Variants in ITGA5 observed in about 807,000 individuals in gnomAD.
ITGA5 encodes integrin subunit alpha 5.
Under a neutral mutation model 146.3 loss-of-function variants are expected in ITGA5, and 55 were observed. That is an observed-to-expected ratio of 0.38 (90% CI 0.30 to 0.47). The LOEUF (loss-of-function observed/expected upper bound fraction) is 0.47. Ranked by LOEUF, ITGA5 falls within the 20% of genes least tolerant of loss-of-function variation. The pLI is 0.99. For synonymous variants in ITGA5, 500 were observed against 531.8 expected, an observed-to-expected ratio of 0.94 and a Z score of 0.82; for missense variants, 1,131 against 1,329.0, an observed-to-expected ratio of 0.85 and a Z score of 2.32.
chr12:54,412,089 G>A lies in ITGA5; in HGVS notation c.219-125C>T, dbSNP rs113382910. 7.3e-6 allele frequency: 5 copies of A among 685,918 alleles called. 1 individual carries two copies. The African/African-American group carries it at 7.4e-5, about 10-fold the overall frequency. The allele number at this position is 685,918 out of a possible 1,614,324, so 42.5% of individuals were successfully genotyped here. A position where few individuals can be genotyped will look rare whatever the true frequency, so the allele number is the denominator to read the frequency against. ...GGGTGGAGTAGATGCCCCCTGCGTT[G>A]TATTTATATCTCAGAAGATGCCACA... is the stretch of plus-strand genomic sequence containing the variant. On this transcript the variant is annotated intron_variant, in intron 1 of 29. Transcript: ENST00000293379.
intron 1 of ITGA5, among the ~76,000 whole-genome samples, chr12:54,417,574 C>T (rs1956022697): frequency 6.6e-6 from 1 of 152,044 alleles, no homozygotes; most frequent in Non-Finnish European, 1.5e-5. Context: ...GTCCTCCAGA[C>T]AAAGGAGAAT....
Position 54,404,658 on chromosome 12 carries a change from G to T in ITGA5, c.1417+45C>A. ...TGCAGAAGAGAGAGTAGGGGTCAGT[G>T]ACCAGGGAATTTTAAGGTGAAAAGG... On this transcript the variant is annotated intron_variant, in intron 13 of 29. Coordinates refer to ENST00000293379, the MANE Select transcript of ITGA5 (RefSeq NM_002205.5). The T allele has an allele frequency of 1.9e-6, 3 of 1,562,512 alleles. No homozygotes were observed. In the South Asian group the frequency reaches 3.3e-5, roughly 17 times the overall value.
In ITGA5 at chr12:54,419,147, C is replaced by T; in HGVS notation, c.52G>A (p.Gly18Ser). ...AGCAGCGGGGGTCGGCGCCGGGGGC[C>T]CCAGCGCAGCTGCACGGCGTGGAGA... ...SPLHAVQLRWGPRRRPPLLPL... is the reference protein window; with the variant it reads ...SPLHAVQLRWSPRRRPPLLPL... Residue 18 changes from glycine (G) to serine (S), a missense_variant, in exon 1 of 30, where the codon GGC becomes AGC. Transcript: ENST00000293379. The T allele has an allele frequency of 6.3e-7, 1 of 1,587,052 alleles. No individual in the cohort carries two copies. The highest frequency in any genetic ancestry group is 8.6e-7 in the Non-Finnish European group (1 of 1,169,118).
Position 54,419,254 on chromosome 12 carries a change from C to T in ITGA5, c.-56G>A. On this transcript the variant is annotated 5_prime_UTR_variant, in exon 1 of 30. Transcript: ENST00000293379. ...CGACCCGGAGCCGCTTCCTAAACCTCCCAGAGGCGAATGACTCAACGCGGG... is the reference window on the plus strand; with the variant it reads ...CGACCCGGAGCCGCTTCCTAAACCTTCCAGAGGCGAATGACTCAACGCGGG... The T allele has an allele frequency of 1.3e-6, 2 of 1,531,438 alleles. No individual in the cohort carries two copies. Among genetic ancestry groups the T allele is most frequent in the Non-Finnish European group, 1.8e-6 (2 of 1,134,862 alleles). The allele number at this position is 1,531,438 out of a possible 1,614,324, so 94.9% of individuals were successfully genotyped here.
At position 54,401,484 on chromosome 12, in the gene ITGA5, G is replaced by A; in HGVS notation, c.2388-6C>T. ...CTGCCTCAGGCTTGGAGACACTAAG[G>A]AGGAGGGTGGTTTAGAGGAGGGTGG... is the stretch of plus-strand genomic sequence containing the variant. On this transcript the variant is annotated splice_region_variant and splice_polypyrimidine_tract_variant and intron_variant, in intron 23 of 29. Transcript: ENST00000293379. This position sits in a 1 kb window ranked among gnomAD's most constrained non-coding sequence, Gnocchi z 5.0. 2 of 1,589,390 alleles carry A rather than the reference G, an allele frequency of 1.3e-6. No homozygotes were observed. The highest frequency in any genetic ancestry group is 1.7e-6 in the Non-Finnish European group (2 of 1,167,998).
Position 54,400,882 on chromosome 12 carries a change from G to A in ITGA5, c.2607C>T (p.Cys869=), listed in dbSNP as rs751166079. ...LYVTRVTGLN[C]TTNHPINPKG... is the part of the protein sequence containing the mutation. ...TTGGGTTAATGGGGTGATTGGTGGTGCAGTTGAGTCCCGTAACTCTGGTCA... is the reference window on the plus strand; with the variant it reads ...TTGGGTTAATGGGGTGATTGGTGGTACAGTTGAGTCCCGTAACTCTGGTCA... The change falls in exon 25 of 30, where the codon TGC becomes TGT. Residue 869 remains cysteine (C), a synonymous_variant. Transcript: ENST00000293379. 9.7e-5 allele frequency: 156 copies of A among 1,613,982 alleles called. No individual in the cohort carries two copies. Among genetic ancestry groups the A allele is most frequent in the Non-Finnish European group, 1.3e-4 (152 of 1,180,002 alleles).
intron 29 of ITGA5, 151 bp downstream of exon 29, chr12:54,397,214 A>AG (rs1436400664): frequency 1.5e-6 from 1 of 689,338 alleles, no homozygotes; most frequent in Non-Finnish European, 2.4e-6. Flanking sequence ...GGGATCTTAT[A>AG]GGAAGGGTTA....
intron 8 of ITGA5, 60 bp downstream of exon 8, chr12:54,407,772 C>T (rs1955884620): frequency 1.2e-6 from 2 of 1,605,432 alleles, no homozygotes; most frequent in Non-Finnish European, 1.7e-6. Context: ...TTCATGGGCT[C>T]TCTGGCCCTG....
chr12:54,401,261 C>T lies in ITGA5; in HGVS notation c.2493+112G>A. On this transcript the variant is annotated intron_variant, in intron 24 of 29. Transcript: ENST00000293379. This position sits in a 1 kb window ranked among gnomAD's most constrained non-coding sequence, Gnocchi z 5.0. ...GCCTCATGCCTTTGCATATCACTTA[C>T]TCCTCCCTCCTCTCTTTCTCTCAGT... The T allele has an allele frequency of 5.7e-6, 5 of 878,886 alleles. No individual in the cohort carries two copies. The South Asian group carries it at 7.2e-5, about 13-fold the overall frequency. 54.4% of individuals were successfully genotyped at this position (878,886 alleles called of 1,614,324 possible).
chr12:54,409,200 G>T lies in ITGA5; in HGVS notation c.583+32C>A, dbSNP rs1955908290. 2 of 1,591,732 alleles carry T rather than the reference G, an allele frequency of 1.3e-6. No individual in the cohort carries two copies. The highest frequency in any genetic ancestry group is 1.7e-6 in the Non-Finnish European group (2 of 1,171,178). On this transcript the variant is annotated intron_variant, in intron 4 of 29. Transcript: ENST00000293379. This position sits in a 1 kb window ranked among gnomAD's most constrained non-coding sequence, Gnocchi z 4.7. ...GACACTTCAAGTATATGAGAAGGCAGACATGGGGCACAGGCCCCCTCTTGC... is the reference window on the plus strand; with the variant it reads ...GACACTTCAAGTATATGAGAAGGCATACATGGGGCACAGGCCCCCTCTTGC...
chr12:54,404,120 T>C lies in ITGA5; in HGVS notation c.1565+25A>G, dbSNP rs375680089. On this transcript the variant is annotated intron_variant, in intron 15 of 29. Transcript: ENST00000293379. ...CTGCCCACTCCCAGGCTCAGGTCTC[T>C]GCAATTTCCTGGGCACCAGCTCACC... The C allele has an allele frequency of 1.1e-5, 18 of 1,571,554 alleles. No homozygotes were observed. The African/African-American group carries it at 2.2e-4, about 19-fold the overall frequency.
intron 9 of ITGA5, 71 bp from the exon 10 acceptor site, chr12:54,405,997 T>C: frequency 7.4e-7 from 1 of 1,356,688 alleles, no homozygotes; most frequent in Non-Finnish European, 1.1e-6. Flanking sequence ...AACAGATGTG[T>C]ACAGGACACC....
rs1181878877 is a variant in ITGA5, at chr12:54,416,215, G to A, written c.218+2766C>T. Among the ~76,000 whole-genome samples, 4 of 152,156 alleles carry A rather than the reference G, an allele frequency of 2.6e-5. No individual in the cohort carries two copies. Among genetic ancestry groups the A allele is most frequent in the Non-Finnish European group, 4.4e-5 (3 of 68,024 alleles). ...TTCCCGAGTAGCTGGGATTACAGGT[G>A]CGTGCCAGCACGCTCGGCTAATTTT... On this transcript the variant is annotated intron_variant, in intron 1 of 29. Transcript: ENST00000293379. The surrounding 1 kb of genome is among the most constrained non-coding windows in gnomAD (Gnocchi z 4.1).
Position 54,404,844 on chromosome 12 carries a change from A to G in ITGA5, c.1276T>C (p.Phe426Leu), listed in dbSNP as rs571620637. 2 of 1,610,290 alleles carry G rather than the reference A, an allele frequency of 1.2e-6. No individual in the cohort carries two copies. The highest frequency in any genetic ancestry group is 2.2e-5 in the South Asian group (2 of 90,656). Residue 426 changes from phenylalanine (F) to leucine (L), a missense_variant, in exon 13 of 30, where the codon TTT becomes CTT. Coordinates refer to ENST00000293379, the MANE Select transcript of ITGA5 (RefSeq NM_002205.5). Reference protein sequence around the residue: ...FGGETQQGVVFVFPGGPGGLG... With the variant: ...FGGETQQGVVLVFPGGPGGLG... ...CCTCCTGGGCCCCCAGGAAATACAA[A>G]CACTACTCCCTGCTGGGTCTCCCCA...
rs201157625 is a variant in ITGA5, at chr12:54,405,403, C to T, written c.1017-29G>A. The T allele has an allele frequency of 3.5e-4, 533 of 1,539,918 alleles. 5 individuals carry two copies. Among genetic ancestry groups the T allele is most frequent in the Non-Finnish European group, 4.9e-5 (55 of 1,132,634 alleles). On this transcript the variant is annotated intron_variant, in intron 11 of 29. Transcript: ENST00000293379. ...AGGGGAAGGGCAAACCCAGGCATCT[C>T]GATACCCTGTCTTGCCACCCCACCC...
In ITGA5 at chr12:54,402,061, G is replaced by T; in HGVS notation, c.2166C>A (p.Ala722=). The T allele has an allele frequency of 6.2e-7, 1 of 1,614,150 alleles. No homozygotes were observed. The highest frequency in any genetic ancestry group is 2.2e-5 in the East Asian group (1 of 44,870). Residue 722 remains alanine (A), a synonymous_variant, in exon 21 of 30, where the codon GCC becomes GCA. Coordinates refer to ENST00000293379, the MANE Select transcript of ITGA5 (RefSeq NM_002205.5). ...NFSSLSCDYF[A]VNQSRLLVCD... ...ACACCAGCAGGCGGCTCTGGTTCAC[G>T]GCAAAGTAGTCACAGCTCAGGCTGG...
intron 1 of ITGA5, 49 bp from the exon 2 acceptor site, chr12:54,412,013 T>C (rs759423751): frequency 6.8e-5 from 101 of 1,488,156 alleles, no homozygotes; most frequent in Middle Eastern, 1.8e-4. Context: ...TAGCTTTTCA[T>C]TGGTGTCTGG....
intron 9 of ITGA5, 84 bp from the exon 10 acceptor site, chr12:54,406,010 G>T: frequency 8.1e-7 from 1 of 1,238,804 alleles, no homozygotes. Context: ...AGGACACCCA[G>T]GGGCAGGCAT....
intron 1 of ITGA5, among the ~76,000 whole-genome samples, chr12:54,414,892 T>C (rs1408380778): frequency 1.3e-5 from 2 of 152,064 alleles, no homozygotes. Flanking sequence ...CTCACGCTTG[T>C]AATCCCAGCA....
Sources: allele counts gnomAD v4.1 joint callset (sites outside exome capture counted in the v4.1 genomes callset), GRCh38; gene constraint gnomAD v4.1.1; non-coding constraint Gnocchi (gnomAD v3.1); transcripts MANE v1.5; gene names NCBI Gene and HGNC (gene_info 2026-07-23, HGNC 2026-07-21).